The following ATAD3A variants were observed in gnomAD, a reference collection of about 807,000 sequenced individuals.
ATAD3A encodes the protein ATPase family AAA domain containing 3A, also known as ATPase family AAA domain-containing protein 3A.
ATAD3A carries 46 observed loss-of-function variants against 73.8 expected under a neutral mutation model. The observed-to-expected ratio is 0.62, with a 90% CI of 0.49 to 0.80. The LOEUF (loss-of-function observed/expected upper bound fraction) is 0.80, where lower values mean the gene tolerates loss of function less well. Ranked by LOEUF, ATAD3A falls within the 30% of genes least tolerant of loss-of-function variation. The probability of loss-of-function intolerance (pLI) is 0.00; values close to 1 mark genes in which losing one functional copy is unlikely to be tolerated. For synonymous variants in ATAD3A, 319 were observed against 350.0 expected, an observed-to-expected ratio of 0.91 and a Z score of 0.99; for missense variants, 705 against 838.0, an observed-to-expected ratio of 0.84 and a Z score of 1.96.
At position 1,520,563 on chromosome 1, in the gene ATAD3A, G is replaced by C. The variant is rs1641553783; in HGVS notation, c.696G>C (p.Leu232Phe). The stretch of plus-strand genomic sequence containing the variant: ...TTCCCCGCAGGACGGCTGGCACCTT[G>C]TTTGGGGAAGGATTCCGTGCCTTTG... Reference protein sequence around the residue: ...VLESIRTAGTLFGEGFRAFVT... With the variant: ...VLESIRTAGTFFGEGFRAFVT... Residue 232 changes from leucine to phenylalanine, a missense_variant, in exon 7 of 16, where the codon TTG becomes TTC. By Grantham distance (22) the Leu-to-Phe change is conservative. Transcript: ENST00000378756. The surrounding 1 kb of genome is among the most constrained non-coding windows in gnomAD (Gnocchi z 4.0). 6.2e-7 allele frequency: 1 copy of C among 1,613,860 alleles called. No individual in the cohort carries two copies. The highest frequency in any genetic ancestry group is 1.3e-5 in the African/African-American group (1 of 74,958).
rs756110564 is a variant in ATAD3A at position 1,518,912 on chromosome 1, T to G, written c.445-9T>G. 16 of 1,613,608 alleles carry G rather than the reference T, an allele frequency of 9.9e-6. No individual in the cohort carries two copies. The highest frequency in any genetic ancestry group is 2.2e-5 in the South Asian group (2 of 91,080). On this transcript the variant is annotated splice_polypyrimidine_tract_variant and intron_variant, in intron 4 of 15. Transcript: ENST00000378756. Reference sequence around the variant, plus strand: ...AAGGCTTTTCTCTTTTTCTGCGGCTTCTTCTCAGCAACTTCTCAATGAGGA... The same window carrying G: ...AAGGCTTTTCTCTTTTTCTGCGGCTGCTTCTCAGCAACTTCTCAATGAGGA...
intron 2 of ATAD3A, among the ~76,000 whole-genome samples, chr1:1,516,435 T>C (rs1022335038): frequency 6.6e-6 from 1 of 152,168 alleles, no homozygotes; most frequent in Non-Finnish European, 1.5e-5. Flanking sequence ...TTATTTATTT[T>C]GAAACGGAGT....
Position 1,522,890 on chromosome 1 carries a change from C to A in ATAD3A, c.897C>A (p.His299Gln), listed in dbSNP as rs760404915. ...TCACGGTGCTTGAGGCGCTGCGGCACCCCATCCAGGTAGCAGCGCAGGCCT... is the reference window on the plus strand; with the variant it reads ...TCACGGTGCTTGAGGCGCTGCGGCAACCCATCCAGGTAGCAGCGCAGGCCT... The part of the protein sequence containing the change: ...SRITVLEALR[H>Q]PIQVSRRLLS... The change falls in exon 8 of 16, where the codon CAC becomes CAA. Residue 299 changes from histidine (H) to glutamine (Q), a missense_variant. This residue lies in a region of ATAD3A where 315 missense variants were observed against 334.1 expected (regional missense o/e 0.94). Coordinates refer to ENST00000378756, the MANE Select transcript of ATAD3A (RefSeq NM_001170535.3). The A allele has an allele frequency of 2.4e-5, 38 of 1,608,162 alleles. No individual in the cohort carries two copies. The highest frequency in any genetic ancestry group is 2.6e-5 in the Non-Finnish European group (31 of 1,179,658).
chr1:1,517,336 T>C lies in ATAD3A; in HGVS notation c.308T>C (p.Leu103Pro). The change falls in exon 3 of 16, where the codon CTC becomes CCC. Residue 103 changes from leucine to proline, a missense_variant. Around this residue, in one of 5 missense-constraint regions of ATAD3A, gnomAD observed 125 missense variants for 170.6 expected, o/e 0.73. Coordinates refer to ENST00000378756, the MANE Select transcript of ATAD3A (RefSeq NM_001170535.3). ...GAGTATGAGGCCGCCGTGGAGCAGCTCAAGAGCGAGCAGATCCGGGCGCAG... is the reference window on the plus strand; with the variant it reads ...GAGTATGAGGCCGCCGTGGAGCAGCCCAAGAGCGAGCAGATCCGGGCGCAG... ...LKEYEAAVEQ[L>P]KSEQIRAQAE... 12 of 1,542,914 alleles carry C rather than the reference T, an allele frequency of 7.8e-6. No individual in the cohort carries two copies. The highest frequency in any genetic ancestry group is 1.0e-5 in the Non-Finnish European group (12 of 1,145,970).
At chr1:1,527,473 G>C (rs891518273) in intron 13 of ATAD3A, among the ~76,000 whole-genome samples, 1 of 152,258 alleles carries the variant, frequency 6.6e-6, no homozygotes, top group Non-Finnish European at 1.5e-5. Context: ...GGCTGGGCGA[G>C]GGTCAGCGGG....
chr1:1,532,361 C>G (rs967607337), intron 15 of ATAD3A, among the ~76,000 whole-genome samples: 1 of 152,138 alleles, frequency 6.6e-6, no homozygotes, highest in African/African-American at 2.4e-5. Context: ...GATACTGATT[C>G]TTCTTAATGT....
Position 1,516,107 on chromosome 1 carries a change from G to A in ATAD3A, c.282+19G>A. On this transcript the variant is annotated intron_variant, in intron 2 of 15. Transcript: ENST00000378756. ...GCTCAAAGTGAGTGGGGCCGGTGTG[G>A]GTGGGGAGGCCGGGGCGCACATGGG... 6.2e-7 allele frequency: 1 copy of A among 1,612,902 alleles called. No homozygotes were observed. The highest frequency in any genetic ancestry group is 8.5e-7 in the Non-Finnish European group (1 of 1,179,844).
At position 1,520,024 on chromosome 1, in the gene ATAD3A, G is replaced by A; in HGVS notation, c.515-117G>A. ...GCCGGTCCGTGGCATGGGCCTGTCT[G>A]TGGCGTTGGTCTGTCCGTGGCGTGG... On this transcript the variant is annotated intron_variant, in intron 5 of 15. Coordinates refer to ENST00000378756, the MANE Select transcript of ATAD3A (RefSeq NM_001170535.3). This position sits in a 1 kb window ranked among gnomAD's most constrained non-coding sequence, Gnocchi z 4.0. The A allele has an allele frequency of 2.1e-6, 3 of 1,457,922 alleles. No individual in the cohort carries two copies. The highest frequency in any genetic ancestry group is 2.7e-6 in the Non-Finnish European group (3 of 1,098,038). The allele number at this position is 1,457,922 out of a possible 1,614,324, so 90.3% of individuals were successfully genotyped here.
chr1:1,514,568 G>A (rs753207193), intron 1 of ATAD3A, among the ~76,000 whole-genome samples: 2 of 152,204 alleles, frequency 1.3e-5, no homozygotes, highest in Non-Finnish European at 2.9e-5. Context: ...ATGCCCGTCA[G>A]CCCAGTTCGT....
At chr1:1,526,990 G>A (rs1244969253) in intron 13 of ATAD3A, among the ~76,000 whole-genome samples, 10 of 152,156 alleles carry the variant, frequency 6.6e-5, no homozygotes, top group South Asian at 2.1e-4. Context: ...TCCCCCGCCC[G>A]GATGCTGGCC....
chr1:1,529,430 G>A (rs1429916743), intron 15 of ATAD3A, 99 bp downstream of exon 15: 4 of 1,490,086 alleles, frequency 2.7e-6, no homozygotes, highest in Non-Finnish European at 3.6e-6. Flanking sequence ...TCACGCGGGA[G>A]CTTCTGTTGA....
Position 1,523,605 on chromosome 1 carries a change from G to A in ATAD3A, c.963+38G>A, listed in dbSNP as rs757269758. The A allele has an allele frequency of 1.6e-5, 26 of 1,611,876 alleles. No homozygotes were observed. Among genetic ancestry groups the A allele is most frequent in the South Asian group, 4.4e-5 (4 of 90,876 alleles). On this transcript the variant is annotated intron_variant, in intron 9 of 15. Coordinates refer to ENST00000378756, the MANE Select transcript of ATAD3A (RefSeq NM_001170535.3). The surrounding 1 kb of genome is among the most constrained non-coding windows in gnomAD (Gnocchi z 5.1). Reference sequence around the variant, plus strand: ...GCCTGGGACCGGGGAGGCGCAGGGAGGGGACCCTGGAGCTGGGCCGGGCTG... The same window carrying A: ...GCCTGGGACCGGGGAGGCGCAGGGAAGGGACCCTGGAGCTGGGCCGGGCTG...
rs1469819500 is a variant in ATAD3A at position 1,522,759 on chromosome 1, C to T, written c.766C>T (p.Leu256=). The change falls in exon 8 of 16, where the codon CTG becomes TTG. Residue 256 remains leucine, a synonymous_variant. Transcript: ENST00000378756. ...TCTGCTGCAGGTGGCTGGGCTGACGCTGCTGGCTGTTGGGGTCTACTCAGC... is the reference window on the plus strand; with the variant it reads ...TCTGCTGCAGGTGGCTGGGCTGACGTTGCTGGCTGTTGGGGTCTACTCAGC... ...KVTATVAGLT[L]LAVGVYSAKN... 1 of 1,612,106 alleles carries T rather than the reference C, an allele frequency of 6.2e-7. No homozygotes were observed. Among genetic ancestry groups the T allele is most frequent in the Non-Finnish European group, 8.5e-7 (1 of 1,179,764 alleles).
At chr1:1,518,570 GACAC>G (rs144700871) in intron 4 of ATAD3A, among the ~76,000 whole-genome samples, 67 of 106,384 alleles carry the variant, frequency 6.3e-4, no homozygotes, top group Admixed American at 2.9e-3. Flanking sequence ...CCGTCACAGG[GACAC>G]ACACACACAC....
At chr1:1,525,407 A>G in intron 12 of ATAD3A, 116 bp downstream of exon 12, 2 of 1,385,452 alleles carry the variant, frequency 1.4e-6, no homozygotes. Context: ...TTTGTGTGAA[A>G]AACAGCTTTT....
Position 1,534,041 on chromosome 1 carries a change from C to T in ATAD3A, c.1730C>T (p.Pro577Leu). The change falls in exon 16 of 16, where the codon CCT becomes CTT. Residue 577 changes from proline to leucine, a missense_variant. By Grantham distance (98) the Pro-to-Leu change is moderately conservative. Coordinates refer to ENST00000378756, the MANE Select transcript of ATAD3A (RefSeq NM_001170535.3). Reference protein sequence around the residue: ...QKMCWLKAEGPGRGDEPSPS With the variant: ...QKMCWLKAEGLGRGDEPSPS Reference sequence around the variant, plus strand: ...ATGTGCTGGCTGAAGGCGGAAGGGCCTGGGCGTGGGGACGAGCCCTCCCCA... The same window carrying T: ...ATGTGCTGGCTGAAGGCGGAAGGGCTTGGGCGTGGGGACGAGCCCTCCCCA... 3 of 1,613,660 alleles carry T rather than the reference C, an allele frequency of 1.9e-6. No individual in the cohort carries two copies. The highest frequency in any genetic ancestry group is 2.5e-6 in the Non-Finnish European group (3 of 1,179,944).
chr1:1,521,668 G>A (rs1323439457), intron 7 of ATAD3A, among the ~76,000 whole-genome samples: 2 of 152,240 alleles, frequency 1.3e-5, no homozygotes, highest in African/African-American at 4.8e-5. Context: ...GTCACGTGAG[G>A]ACATGACGGA....
In ATAD3A at chr1:1,523,415, C is replaced by T. The variant is rs1029920170; in HGVS notation, c.907-96C>T. 154 of 1,535,640 alleles carry T rather than the reference C, an allele frequency of 1.0e-4. No homozygotes were observed. Among genetic ancestry groups the T allele is most frequent in the African/African-American group, 1.8e-4 (13 of 72,672 alleles). The stretch of plus-strand genomic sequence containing the variant: ...TCCTGGCTGTGCTTTGGGGCAGCTC[C>T]GTTTCTGCGTGTTACCGAGCGTGTG... On this transcript the variant is annotated intron_variant, in intron 8 of 15. Transcript: ENST00000378756. This position sits in a 1 kb window ranked among gnomAD's most constrained non-coding sequence, Gnocchi z 5.1.
chr1:1,517,836 AC>A (rs1299003942), intron 4 of ATAD3A, 61 bp downstream of exon 4: 3 of 1,472,342 alleles, frequency 2.0e-6, no homozygotes, highest in Non-Finnish European at 2.9e-6. Context: ...GCTTTGTGGG[AC>A]CAGTCAGTGG....
Sources: gnomAD v4.1 joint callset for allele counts (sites outside exome capture counted in the v4.1 genomes callset) on GRCh38, gnomAD v4.1.1 for gene constraint, gnomAD v4.1.1 regional missense constraint, Gnocchi (gnomAD v3.1) non-coding constraint, MANE v1.5 for transcripts, NCBI Gene and HGNC (gene_info 2026-07-23, HGNC 2026-07-21) for gene names.